The following PACS2 variants were observed in gnomAD, a reference collection of about 807,000 sequenced individuals.
The protein encoded by PACS2 is PACS1-like protein.
Under a neutral mutation model 113.0 loss-of-function variants are expected in PACS2, and 36 were observed. The observed-to-expected ratio is 0.32, with a 90% CI of 0.24 to 0.42. The LOEUF is 0.42. Among genes scored for constraint, PACS2 ranks in the 10% least tolerant of loss-of-function variants. The pLI is 1.00. For missense variants in PACS2, 1,015 were observed against 1,239.5 expected, an observed-to-expected ratio of 0.82 and a Z score of 2.72; for synonymous variants, 589 against 536.1, an observed-to-expected ratio of 1.10 and a Z score of -1.36.
At chr14:105,387,866 TG>T (rs1399982182) in intron 19 of PACS2, among the ~76,000 whole-genome samples, 1 of 152,224 alleles carries the variant, frequency 6.6e-6, no homozygotes, top group Non-Finnish European at 1.5e-5. Flanking sequence ...AGCCACCACC[TG>T]TCTTCTGTGC....
intron 1 of PACS2, among the ~76,000 whole-genome samples, chr14:105,345,272 T>A (rs587604152): frequency 6.6e-6 from 1 of 151,982 alleles, no homozygotes; most frequent in Non-Finnish European, 1.5e-5. Context: ...CTGGGTGTGA[T>A]GTCGGGCGCC....
intron 1 of PACS2, among the ~76,000 whole-genome samples, chr14:105,301,980 T>C (rs769722010): frequency 1.3e-5 from 2 of 151,744 alleles, no homozygotes; most frequent in Non-Finnish European, 2.9e-5. Context: ...CCACTAAAAA[T>C]ACAAAAAAAT....
At chr14:105,333,168 C>T (rs1445808805) in intron 1 of PACS2, among the ~76,000 whole-genome samples, 1 of 152,208 alleles carries the variant, frequency 6.6e-6, no homozygotes. Flanking sequence ...TGTGCACACA[C>T]ACCCTGGCCC....
chr14:105,344,435 AATTT>A (rs2059844778), intron 1 of PACS2, among the ~76,000 whole-genome samples: 1 of 152,126 alleles, frequency 6.6e-6, no homozygotes, highest in Non-Finnish European at 1.5e-5. Flanking sequence ...CAATTAATTC[AATTT>A]ATTTAATAGT....
Position 105,376,960 on chromosome 14 carries a change from C to T in PACS2, c.959+35C>T. 1.3e-6 allele frequency: 2 copies of T among 1,552,052 alleles called. No homozygotes were observed. The highest frequency in any genetic ancestry group is 8.7e-7 in the Non-Finnish European group (1 of 1,146,460). On this transcript the variant is annotated intron_variant, in intron 9 of 24. Coordinates refer to ENST00000447393, the MANE Select transcript of PACS2 (RefSeq NM_001100913.3). This position sits in a 1 kb window ranked among gnomAD's most constrained non-coding sequence, Gnocchi z 4.7. ...ACAGGGCGGGGCGGGGAGGAACAGC[C>T]ATTTCAGATGCCCCGGCCACTCTGC...
In PACS2 at chr14:105,369,864, G is replaced by C; in HGVS notation, c.765G>C (p.Val255=). 6.2e-7 allele frequency: 1 copy of C among 1,604,298 alleles called. No individual in the cohort carries two copies. Among genetic ancestry groups the C allele is most frequent in the Non-Finnish European group, 8.5e-7 (1 of 1,178,066 alleles). ...AGCAACAGAACTTCAAGCAGAAAGT[G>C]GTAGCGCTGCTGCGGAGGTTCAAAG... ...MTRQQNFKQK[V]VALLRRFKVS... Residue 255 remains valine, a synonymous_variant, in exon 8 of 25, where the codon GTG becomes GTC. Transcript: ENST00000447393.
chr14:105,381,835 A>G lies in PACS2; in HGVS notation c.1269-79A>G, dbSNP rs587616710. The G allele has an allele frequency of 4.9e-5, 64 of 1,315,640 alleles. 1 individual carries two copies. The South Asian group carries it at 7.2e-4, about 15-fold the overall frequency. 81.5% of individuals were successfully genotyped at this position (1,315,640 alleles called of 1,614,324 possible). A position where few individuals can be genotyped will look rare whatever the true frequency, so the allele number is the denominator to read the frequency against. ...CTGTCCCCACCACAATGTGTAGGCC[A>G]CTGCAGGCCTGCCCCTGCCTCTGCC... On this transcript the variant is annotated intron_variant, in intron 12 of 24. Transcript: ENST00000447393.
Position 105,356,632 on chromosome 14 carries a change from G to A in PACS2, c.423+1455G>A, listed in dbSNP as rs1555405349. 6.6e-6 allele frequency among the ~76,000 whole-genome samples: 1 copy of A among 152,200 alleles called. No homozygotes were observed. The highest frequency in any genetic ancestry group is 2.1e-4 in the South Asian group (1 of 4,836). On this transcript the variant is annotated intron_variant, in intron 4 of 24. Coordinates refer to ENST00000447393, the MANE Select transcript of PACS2 (RefSeq NM_001100913.3). This position sits in a 1 kb window ranked among gnomAD's most constrained non-coding sequence, Gnocchi z 4.0. ...CAGGAGGGTCCAGGCACTGTGGGGA[G>A]GTCATGCAGGCTCTGTTTCCCATTA...
intron 1 of PACS2, among the ~76,000 whole-genome samples, chr14:105,342,965 T>G (rs970529726): frequency 5.3e-5 from 8 of 150,154 alleles, no homozygotes; most frequent in Non-Finnish European, 1.2e-4. Context: ...AGTATTGTTA[T>G]GGTAAAGGTT....
chr14:105,388,517 T>A (rs2081253706), intron 19 of PACS2: 1 of 152,522 alleles, frequency 6.6e-6, no homozygotes, highest in Non-Finnish European at 1.5e-5. Flanking sequence ...CCGCTGGGCC[T>A]GTTTCCTGCA....
intron 6 of PACS2, 63 bp downstream of exon 6, chr14:105,368,210 G>T: frequency 8.2e-7 from 1 of 1,219,496 alleles, no homozygotes; most frequent in South Asian, 1.2e-5. Context: ...GGGGTCTGTG[G>T]GGTCCTCACC....
At chr14:105,338,179 C>T (rs901637224) in intron 1 of PACS2, among the ~76,000 whole-genome samples, 3 of 152,212 alleles carry the variant, frequency 2.0e-5, no homozygotes, top group South Asian at 2.1e-4. Flanking sequence ...CCTCCCCTTC[C>T]GCCTGCTGTG....
rs1555403189 is a variant in PACS2, at chr14:105,348,650, C to T, written c.207+70C>T. On this transcript the variant is annotated intron_variant, in intron 2 of 24. Coordinates refer to ENST00000447393, the MANE Select transcript of PACS2 (RefSeq NM_001100913.3). This position sits in a 1 kb window ranked among gnomAD's most constrained non-coding sequence, Gnocchi z 6.4. ...CTTTCCATGTGCCTGGGAGACGAGTCAGGCGGTGCGCTACTGTGGGGCCTT... is the reference window on the plus strand; with the variant it reads ...CTTTCCATGTGCCTGGGAGACGAGTTAGGCGGTGCGCTACTGTGGGGCCTT... The T allele has an allele frequency of 8.7e-7, 1 of 1,145,208 alleles. No individual in the cohort carries two copies. The highest frequency in any genetic ancestry group is 2.3e-5 in the East Asian group (1 of 42,766). 70.9% of individuals were successfully genotyped at this position (1,145,208 alleles called of 1,614,324 possible).
intron 17 of PACS2, 49 bp from the exon 18 acceptor site, chr14:105,384,830 A>C (rs367918622): frequency 3.5e-5 from 43 of 1,245,084 alleles, no homozygotes; most frequent in Middle Eastern, 3.8e-4. Context: ...CCCCGCCTGC[A>C]ACCCCACCTG....
At chr14:105,388,048 C>T (rs1196313294) in intron 19 of PACS2, among the ~76,000 whole-genome samples, 2 of 152,250 alleles carry the variant, frequency 1.3e-5, no homozygotes, top group African/African-American at 4.8e-5. Flanking sequence ...TGGGCCTCAA[C>T]ACAGGATTTG....
In PACS2 at chr14:105,384,976, C is replaced by T. The variant is rs1555413233; in HGVS notation, c.1989C>T (p.Tyr663=). ...CCATCGCAGAGGCCATGCTGACCTA[C>T]AAGCAGAAGAGGTAACGCGGTGGGC... The part of the protein sequence containing the change: ...QLPIAEAMLT[Y]KQKRKKHFHF... Residue 663 remains tyrosine (Y), a synonymous_variant, in exon 18 of 25, where the codon TAC becomes TAT. Coordinates refer to ENST00000447393, the MANE Select transcript of PACS2 (RefSeq NM_001100913.3). The T allele has an allele frequency of 3.8e-6, 6 of 1,576,592 alleles. No homozygotes were observed. The highest frequency in any genetic ancestry group is 5.2e-6 in the Non-Finnish European group (6 of 1,159,074).
In PACS2 at chr14:105,362,279, G is replaced by A. The variant is rs199593213; in HGVS notation, c.424-4934G>A. 8.7e-3 allele frequency among the ~76,000 whole-genome samples: 1,310 copies of A among 151,246 alleles called. 11 individuals are homozygous for A. Among genetic ancestry groups the A allele is most frequent in the African/African-American group, 0.012 (486 of 40,840 alleles). On this transcript the variant is annotated intron_variant, in intron 4 of 24. Transcript: ENST00000447393. ...TGAAAATATAAAAAATTAGCTGGGCGTGGTGGCGGGCGCCTGTAGTCCCAG... is the reference window on the plus strand; with the variant it reads ...TGAAAATATAAAAAATTAGCTGGGCATGGTGGCGGGCGCCTGTAGTCCCAG...
chr14:105,343,741 G>A (rs1404316702), intron 1 of PACS2, among the ~76,000 whole-genome samples: 9 of 151,040 alleles, frequency 6.0e-5, no homozygotes, highest in African/African-American at 2.0e-4. Context: ...TGTCACCCAG[G>A]CTAGAGTGCA....
chr14:105,345,033 C>G (rs2059868102), intron 1 of PACS2, among the ~76,000 whole-genome samples: 1 of 151,542 alleles, frequency 6.6e-6, no homozygotes, highest in African/African-American at 2.4e-5. Flanking sequence ...CGTTTGAACC[C>G]AGGAGGTGGA....
Sources: gnomAD v4.1 joint callset for allele counts (sites outside exome capture counted in the v4.1 genomes callset) on GRCh38, gnomAD v4.1.1 for gene constraint, Gnocchi (gnomAD v3.1) non-coding constraint, MANE v1.5 for transcripts, NCBI Gene and HGNC (gene_info 2026-07-23, HGNC 2026-07-21) for gene names.